The following GCFC2 variants were observed in gnomAD, a reference collection of about 807,000 sequenced individuals.
GCFC2 encodes intron Large complex component GCFC2.
In GCFC2, 102 loss-of-function variants were observed where a neutral mutation model predicts 99.4. The ratio of observed to expected loss-of-function variants is 1.03; its 90% confidence interval spans 0.87 to 1.21. The LOEUF is 1.21. Among genes scored for constraint, GCFC2 ranks in the 50% most tolerant of loss-of-function variants. The pLI, the probability that GCFC2 is intolerant of heterozygous loss-of-function variation, is 0.00. For missense variants in GCFC2, 973 were observed against 920.9 expected (o/e 1.06, Z -0.73); for synonymous variants, 338 against 316.8 (o/e 1.07, Z -0.71).
chr2:75,689,067 G>A lies in GCFC2; in HGVS notation c.1498C>T (p.Pro500Ser), dbSNP rs148728322. Residue 500 changes from proline (P) to serine (S), a missense_variant, in exon 10 of 17, where the codon CCC becomes TCC. Pro to Ser is a moderately conservative substitution (Grantham distance 74). Coordinates refer to ENST00000321027, the MANE Select transcript of GCFC2 (RefSeq NM_003203.5). ...TCAATCAACTGAACTCGTATTAGGG[G>A]ATTTAAAAGCTTTGGTATGCATAAA... is the stretch of plus-strand genomic sequence containing the variant. The part of the protein sequence containing the change: ...ISLCIPKLLN[P>S]LIRVQLIDWN... 26 of 1,594,734 alleles carry A rather than the reference G, an allele frequency of 1.6e-5. No individual in the cohort carries two copies. Among genetic ancestry groups the A allele is most frequent in the Non-Finnish European group, 2.2e-5 (26 of 1,165,794 alleles).
In GCFC2 at chr2:75,673,484, C is replaced by A; in HGVS notation, c.1849G>T (p.Ala617Ser). Reference protein sequence around the residue: ...LKSIVSRMKKAVEDDVFIPLY... With the variant: ...LKSIVSRMKKSVEDDVFIPLY... ...GGAATAAAAACATCATCTTCTACTGCCTTTTTCATTCTTGAAACAATGGAT... is the reference window on the plus strand; with the variant it reads ...GGAATAAAAACATCATCTTCTACTGACTTTTTCATTCTTGAAACAATGGAT... The change falls in exon 13 of 17, where the codon GCA (alanine) becomes TCA (serine). Residue 617 changes from alanine to serine, a missense_variant. Transcript: ENST00000321027. 7.0e-7 allele frequency: 1 copy of A among 1,426,768 alleles called. No individual in the cohort carries two copies. The allele number at this position is 1,426,768 out of a possible 1,614,324, so 88.4% of individuals were successfully genotyped here. A position where few individuals can be genotyped will look rare whatever the true frequency, so the allele number is the denominator to read the frequency against.
At chr2:75,686,191 C>T (rs1573063443) in intron 11 of GCFC2, among the ~76,000 whole-genome samples, 1 of 152,120 alleles carries the variant, frequency 6.6e-6, no homozygotes, top group Non-Finnish European at 1.5e-5. Context: ...TAGTAACTTT[C>T]TAACACACCC....
chr2:75,678,229 A>G (rs1679432715), intron 12 of GCFC2, among the ~76,000 whole-genome samples: 1 of 152,212 alleles, frequency 6.6e-6, no homozygotes, highest in Non-Finnish European at 1.5e-5. Flanking sequence ...TTATAACTAA[A>G]CAATACTATA....
At chr2:75,666,344 T>G (rs17011640) in intron 15 of GCFC2, among the ~76,000 whole-genome samples, 2,593 of 152,274 alleles carry the variant, frequency 0.017, 79 homozygotes, top group African/African-American at 0.059. Context: ...GTACAAAACA[T>G]AATTTACAAC....
At chr2:75,668,048 A>C (rs1261810736) in intron 15 of GCFC2, among the ~76,000 whole-genome samples, 1 of 152,178 alleles carries the variant, frequency 6.6e-6, no homozygotes. Flanking sequence ...GTTAAACATT[A>C]AAGAGCTAGA....
chr2:75,712,501 C>T (rs1681228114), upstream of GCFC2, among the ~76,000 whole-genome samples: 1 of 152,166 alleles, frequency 6.6e-6, no homozygotes, highest in South Asian at 2.1e-4. Context: ...TGGGCTCTAC[C>T]AATCAGCAGG....
intron 4 of GCFC2, among the ~76,000 whole-genome samples, chr2:75,698,701 TCA>T (rs1680441702): frequency 6.6e-6 from 1 of 152,128 alleles, no homozygotes; most frequent in African/African-American, 2.4e-5. Context: ...AGCTCTTAGT[TCA>T]CAGTTACATT....
chr2:75,708,234 A>G (rs1680959198), intron 1 of GCFC2, among the ~76,000 whole-genome samples: 2 of 152,310 alleles, frequency 1.3e-5, no homozygotes, highest in South Asian at 4.1e-4. Context: ...AGATTTTGGA[A>G]AACTTATATT....
At chr2:75,710,411 G>A (rs1573103660) in intron 1 of GCFC2, 180 bp downstream of exon 1, 1 of 1,348,220 alleles carries the variant, frequency 7.4e-7, no homozygotes, top group Non-Finnish European at 9.5e-7. Context: ...GCAGATAGCG[G>A]GCAAGTGCTC....
At chr2:75,711,119 T>C, upstream of GCFC2, 1 of 1,258,240 alleles carries the variant, frequency 7.9e-7, no homozygotes. Flanking sequence ...CCTTAGAGAT[T>C]TTCACGGCCT....
chr2:75,664,855 ATCATCAGT>A, intron 16 of GCFC2, 72 bp from the exon 17 acceptor site: 1 of 725,622 alleles, frequency 1.4e-6, no homozygotes, highest in Non-Finnish European at 2.4e-6. Flanking sequence ...TCAGAACCTG[ATCATCAGT>A]TGTTAATCTA....
At chr2:75,679,554 G>A (rs1446608005) in intron 12 of GCFC2, among the ~76,000 whole-genome samples, 1 of 152,188 alleles carries the variant, frequency 6.6e-6, no homozygotes, top group Non-Finnish European at 1.5e-5. Flanking sequence ...ATTAAGATCT[G>A]TTTTACTGAA....
intron 2 of GCFC2, among the ~76,000 whole-genome samples, chr2:75,706,055 C>T (rs1304886239): frequency 6.6e-6 from 1 of 152,220 alleles, no homozygotes; most frequent in African/African-American, 2.4e-5. Flanking sequence ...ATAAAATTTT[C>T]AGTGGTTCCC....
rs749133443 is a variant in GCFC2, at chr2:75,710,765, C to T, written c.91G>A (p.Ala31Thr). Residue 31 changes from alanine to threonine, a missense_variant, in exon 1 of 17, where the codon GCG (alanine) becomes ACG (threonine). Transcript: ENST00000321027. ...GAEESPAEPGAPRELPVPGSA... is the reference protein window; with the variant it reads ...GAEESPAEPGTPRELPVPGSA... ...CCCGGGACCGGAAGTTCCCTCGGCG[C>T]CCCAGGCTCAGCAGGCGACTCCTCG... The T allele has an allele frequency of 1.7e-5, 27 of 1,570,446 alleles. No individual in the cohort carries two copies. Among genetic ancestry groups the T allele is most frequent in the Non-Finnish European group, 2.2e-5 (26 of 1,162,756 alleles).
intron 2 of GCFC2, among the ~76,000 whole-genome samples, chr2:75,705,796 C>T (rs1054000355): frequency 3.9e-5 from 6 of 152,078 alleles, no homozygotes; most frequent in Non-Finnish European, 8.8e-5. Context: ...GAGTCCACGG[C>T]ACAAAACAAG....
In GCFC2 at chr2:75,662,971, A is replaced by G. The variant is rs1279884946; in HGVS notation, c.*1695T>C. 1.3e-5 allele frequency: 2 copies of G among 152,026 alleles called. No individual in the cohort carries two copies. The highest frequency in any genetic ancestry group is 2.4e-5 in the African/African-American group (1 of 41,444). 9.4% of individuals were successfully genotyped at this position (152,026 alleles called of 1,614,324 possible). A position where few individuals can be genotyped will look rare whatever the true frequency, so the allele number is the denominator to read the frequency against. ...ACGTAACATTTTTGTAAATAGAGAA[A>G]AGGTCTAAAAGGATAACATTAAAAT... is the stretch of plus-strand genomic sequence containing the variant. On this transcript the variant is annotated 3_prime_UTR_variant, in exon 17 of 17. Coordinates refer to ENST00000321027, the MANE Select transcript of GCFC2 (RefSeq NM_003203.5).
intron 13 of GCFC2, among the ~76,000 whole-genome samples, chr2:75,672,733 C>T (rs534065040): frequency 9.9e-4 from 151 of 152,262 alleles, no homozygotes; most frequent in African/African-American, 3.2e-3. Context: ...TCTGAGCATT[C>T]TCTTCATCTC....
intron 1 of GCFC2, among the ~76,000 whole-genome samples, chr2:75,709,592 G>A (rs1407547665): frequency 6.6e-6 from 1 of 152,114 alleles, no homozygotes; most frequent in East Asian, 1.9e-4. Context: ...TGGTCAAAGG[G>A]CACACATTTT....
chr2:75,698,630 T>C (rs1299794184), intron 4 of GCFC2, among the ~76,000 whole-genome samples: 1 of 152,172 alleles, frequency 6.6e-6, no homozygotes, highest in Non-Finnish European at 1.5e-5. Context: ...TAAAGGGGTG[T>C]AGTGAGACAT....
Sources: gnomAD v4.1 joint callset for allele counts (sites outside exome capture counted in the v4.1 genomes callset) on GRCh38, gnomAD v4.1.1 for gene constraint, MANE v1.5 for transcripts, NCBI Gene and HGNC (gene_info 2026-07-23, HGNC 2026-07-21) for gene names.